The following KLHL1 variants were observed in gnomAD, a reference collection of about 807,000 sequenced individuals.
The protein encoded by KLHL1 is kelch-like protein 1.
Under a neutral mutation model 77.7 loss-of-function variants are expected in KLHL1, and 47 were observed. That is an observed-to-expected ratio of 0.60 (90% CI 0.48 to 0.77). The LOEUF (loss-of-function observed/expected upper bound fraction) is 0.77. KLHL1 is among the 30% of genes least tolerant of loss of function. The probability of loss-of-function intolerance (pLI) is 0.00; values close to 1 mark genes in which losing one functional copy is unlikely to be tolerated. For synonymous variants in KLHL1, 360 were observed against 325.2 expected, an observed-to-expected ratio of 1.11 and a Z score of -1.15; for missense variants, 925 against 910.8, an observed-to-expected ratio of 1.02 and a Z score of -0.20.
intron 7 of KLHL1, among the ~76,000 whole-genome samples, chr13:69,792,486 G>C (rs1876914129): frequency 6.6e-6 from 1 of 152,124 alleles, no homozygotes; most frequent in Non-Finnish European, 1.5e-5. Flanking sequence ...TTGGAAAACA[G>C]TTTTGCAGTT....
rs116053544 is a variant in KLHL1, at chr13:69,972,430, T to C, written c.680+3190A>G. Among the ~76,000 whole-genome samples the C allele has an allele frequency of 2.6e-5, 4 of 152,078 alleles. No homozygotes were observed. In the East Asian group the frequency reaches 7.7e-4, roughly 29 times the overall value. ...GTCTGTAGAATAGGATACTTTTCTATCTATCAAATATCATCATTTTATTCT... is the reference window on the plus strand; with the variant it reads ...GTCTGTAGAATAGGATACTTTTCTACCTATCAAATATCATCATTTTATTCT... On this transcript the variant is annotated intron_variant, in intron 2 of 10. Coordinates refer to ENST00000377844, the MANE Select transcript of KLHL1 (RefSeq NM_020866.3).
chr13:70,107,275 CCT>C lies in KLHL1; in HGVS notation c.423_424del (p.Gly142AlafsTer14). ...CACTTTGAGCTCTTGCAGAACCAGC[CCT>C]TTTTCGTGTGGTCCAGGAAAGTCCA... On this transcript the variant is annotated frameshift_variant, in exon 1 of 11. Transcript: ENST00000377844. LOFTEE classifies it high-confidence loss of function. 6.2e-7 allele frequency: 1 copy of C among 1,614,094 alleles called. No individual in the cohort carries two copies. The highest frequency in any genetic ancestry group is 8.5e-7 in the Non-Finnish European group (1 of 1,180,010).
At chr13:70,068,976 A>G (rs919985931) in intron 1 of KLHL1, among the ~76,000 whole-genome samples, 1 of 152,168 alleles carries the variant, frequency 6.6e-6, no homozygotes, top group Admixed American at 6.5e-5. Context: ...AAAAGCAACT[A>G]TATCAAAATG....
At chr13:70,087,510 C>T (rs569899875) in intron 1 of KLHL1, among the ~76,000 whole-genome samples, 12 of 149,934 alleles carry the variant, frequency 8.0e-5, no homozygotes, top group Non-Finnish European at 1.5e-4. Context: ...CCTGAAGACA[C>T]TGTGCACAGA....
chr13:69,783,079 C>T (rs529362421), intron 7 of KLHL1, among the ~76,000 whole-genome samples: 1 of 152,332 alleles, frequency 6.6e-6, no homozygotes, highest in South Asian at 2.1e-4. Context: ...CTGGAGTGGA[C>T]CTCTAGCAAA....
At chr13:70,047,101 A>G (rs1223779571) in intron 1 of KLHL1, among the ~76,000 whole-genome samples, 1 of 152,106 alleles carries the variant, frequency 6.6e-6, no homozygotes. Flanking sequence ...TGAACACAAT[A>G]GCATTAATGT....
At chr13:70,082,853 C>T (rs1593729441) in intron 1 of KLHL1, among the ~76,000 whole-genome samples, 2 of 152,112 alleles carry the variant, frequency 1.3e-5, no homozygotes, top group African/African-American at 4.8e-5. Flanking sequence ...AGCCAATAAC[C>T]TAAGCAAATT....
chr13:69,743,736 A>G (rs1874081736), intron 7 of KLHL1, among the ~76,000 whole-genome samples: 1 of 151,776 alleles, frequency 6.6e-6, no homozygotes, highest in Admixed American at 6.6e-5. Flanking sequence ...CAGTGAGCCA[A>G]GATTGTGCCA....
chr13:69,929,600 C>A (rs9572311), intron 4 of KLHL1, among the ~76,000 whole-genome samples: 60,848 of 151,436 alleles, frequency 0.4, 12,951 homozygotes, highest in Non-Finnish European at 0.48. Context: ...GGTGCTGTAT[C>A]ATCTCATATA....
intron 7 of KLHL1, among the ~76,000 whole-genome samples, chr13:69,781,290 T>TC (rs1566244961): frequency 2.3e-3 from 275 of 121,728 alleles, no homozygotes; most frequent in African/African-American, 8.0e-3. Context: ...TCTTTCTTTT[T>TC]TTTTTTTTTT....
chr13:70,078,115 A>G (rs1428603211), intron 1 of KLHL1, among the ~76,000 whole-genome samples: 1 of 151,726 alleles, frequency 6.6e-6, no homozygotes. Context: ...TGAGAAAGGA[A>G]GGATTTACAG....
At chr13:70,013,898 G>C (rs1292674933) in intron 1 of KLHL1, among the ~76,000 whole-genome samples, 1 of 152,070 alleles carries the variant, frequency 6.6e-6, no homozygotes, top group Non-Finnish European at 1.5e-5. Context: ...ACTCAAAGCA[G>C]TGATTTCTGA....
intron 1 of KLHL1, among the ~76,000 whole-genome samples, chr13:70,039,581 T>C (rs1400677195): frequency 6.6e-6 from 1 of 152,004 alleles, no homozygotes; most frequent in Non-Finnish European, 1.5e-5. Context: ...AGTTTTTTTT[T>C]CTCTGATTTT....
Position 70,075,260 on chromosome 13 carries a change from G to A in KLHL1, c.497+31943C>T, listed in dbSNP as rs114201617. ...TGGGACAAGTAAAGGGGAAGGCAAG[G>A]GGTAGAACTGCACAAGAGCAAAGGT... On this transcript the variant is annotated intron_variant, in intron 1 of 10. Coordinates refer to ENST00000377844, the MANE Select transcript of KLHL1 (RefSeq NM_020866.3). 6.1e-3 allele frequency among the ~76,000 whole-genome samples: 930 copies of A among 151,576 alleles called. 12 individuals are homozygous for A. The highest frequency in any genetic ancestry group is 0.021 in the African/African-American group (885 of 41,248).
At chr13:69,862,892 A>G (rs185555986) in intron 5 of KLHL1, among the ~76,000 whole-genome samples, 7 of 152,250 alleles carry the variant, frequency 4.6e-5, no homozygotes, top group Admixed American at 4.6e-4. Flanking sequence ...CTGTGACAAA[A>G]TACATTTCTG....
chr13:69,962,502 T>A (rs1170671661), intron 2 of KLHL1, among the ~76,000 whole-genome samples: 1 of 152,082 alleles, frequency 6.6e-6, no homozygotes, highest in Non-Finnish European at 1.5e-5. Context: ...AGAGGCATTT[T>A]GTGTTTTTTT....
At chr13:70,046,668 G>T (rs1278110495) in intron 1 of KLHL1, among the ~76,000 whole-genome samples, 3 of 151,884 alleles carry the variant, frequency 2.0e-5, no homozygotes, top group South Asian at 2.1e-4. Flanking sequence ...TAACTTTTTT[G>T]TTGTTGTTGT....
rs754925804 is a variant in KLHL1 at position 69,796,849 on chromosome 13, C to T, written c.1528G>A (p.Val510Ile). Residue 510 changes from valine to isoleucine, a missense_variant, in exon 7 of 11, where the codon GTA becomes ATA. Coordinates refer to ENST00000377844, the MANE Select transcript of KLHL1 (RefSeq NM_020866.3). ...GVAVIDDKLF[V>I]IGGRDGLKTL... ...TTTAAGCCATCTCGACCTCCAATTA[C>T]AAAGAGTTTGTCATCAATAACAGCC... is the stretch of plus-strand genomic sequence containing the variant. The T allele has an allele frequency of 3.1e-6, 5 of 1,614,128 alleles. No homozygotes were observed. The highest frequency in any genetic ancestry group is 4.2e-6 in the Non-Finnish European group (5 of 1,180,016).
chr13:69,908,403 A>G (rs182602661), intron 4 of KLHL1, among the ~76,000 whole-genome samples: 22 of 151,726 alleles, frequency 1.4e-4, no homozygotes, highest in South Asian at 2.1e-4. Flanking sequence ...AAGATTTGAC[A>G]AAAAAAGTTC....
Sources: gnomAD v4.1 joint callset for allele counts (sites outside exome capture counted in the v4.1 genomes callset) on GRCh38, gnomAD v4.1.1 for gene constraint, MANE v1.5 for transcripts, NCBI Gene and HGNC (gene_info 2026-07-23, HGNC 2026-07-21) for gene names.